Variants in NFIB observed in about 807,000 individuals in gnomAD.
NFIB encodes nuclear factor 1 B-type.
Under a neutral mutation model 61.5 loss-of-function variants are expected in NFIB, and 11 were observed. The observed-to-expected ratio is 0.18, with a 90% confidence interval of 0.11 to 0.30. The LOEUF (loss-of-function observed/expected upper bound fraction) is 0.30. Ranked by LOEUF, NFIB falls within the 10% of genes least tolerant of loss-of-function variation. The probability of loss-of-function intolerance (pLI) is 1.00; values close to 1 mark genes in which losing one functional copy is unlikely to be tolerated. For synonymous variants in NFIB, 260 were observed against 216.5 expected, an observed-to-expected ratio of 1.20 and a Z score of -1.76; for missense variants, 471 against 608.9, an observed-to-expected ratio of 0.77 and a Z score of 2.38.
At chr9:14,477,870 CA>C in the NFIB span, among the ~76,000 whole-genome samples, 2 of 151,848 alleles carry the variant, frequency 1.3e-5, no homozygotes, top group African/African-American at 4.8e-5. Flanking sequence ...AGCATTTTGG[CA>C]AAAAATAGTT....
In NFIB at chr9:14,120,850, T is replaced by G. The variant is rs554490029; in HGVS notation, c.1061-226A>C. Among the ~76,000 whole-genome samples the G allele has an allele frequency of 6.6e-6, 1 of 152,222 alleles. No individual in the cohort carries two copies. The highest frequency in any genetic ancestry group is 6.5e-5 in the Admixed American group (1 of 15,284). On this transcript the variant is annotated intron_variant, in intron 7 of 10. Coordinates refer to ENST00000380953, the MANE Select transcript of NFIB (RefSeq NM_001190737.2). The surrounding 1 kb of genome is among the most constrained non-coding windows in gnomAD (Gnocchi z 4.4). ...ACATCACTCTAGAAAATTAACAATC[T>G]TGCTTCCTGGCTCTGTGAGTGGTTA...
intron 6 of NFIB, 113 bp downstream of exon 6, chr9:14,146,576 G>T: frequency 1.4e-6 from 2 of 1,441,080 alleles, no homozygotes; most frequent in African/African-American, 1.4e-5. Context: ...ATCATTTTAT[G>T]AAAAAAATAT....
chr9:14,435,962 T>C, the NFIB span, among the ~76,000 whole-genome samples: 1 of 152,262 alleles, frequency 6.6e-6, no homozygotes, highest in African/African-American at 2.4e-5. Flanking sequence ...ACATTGGATC[T>C]GTCGGCTTAG....
chr9:14,127,129 A>G (rs1419587460), intron 6 of NFIB, among the ~76,000 whole-genome samples: 1 of 152,218 alleles, frequency 6.6e-6, no homozygotes, highest in Admixed American at 6.5e-5. Context: ...AATGCAATAA[A>G]TATTTTAACA....
chr9:14,333,303 A>T (rs966315483), intron 1 of NFIB, among the ~76,000 whole-genome samples: 2 of 152,222 alleles, frequency 1.3e-5, no homozygotes, highest in Middle Eastern at 3.2e-3. Context: ...AAATCACCCA[A>T]GGTCAATAGC....
chr9:14,181,756 TC>T (rs2046807117), intron 2 of NFIB, among the ~76,000 whole-genome samples: 1 of 152,164 alleles, frequency 6.6e-6, no homozygotes, highest in African/African-American at 2.4e-5. Flanking sequence ...GACCAGAGCC[TC>T]CCTATGTTTT....
chr9:14,175,163 A>ATTTTTT (rs375736787), intron 3 of NFIB, among the ~76,000 whole-genome samples: 1,850 of 101,902 alleles, frequency 0.018, 149 homozygotes, highest in Non-Finnish European at 0.023. Flanking sequence ...GACTTAAAGA[A>ATTTTTT]TTTCTTTTTT....
intron 3 of NFIB, among the ~76,000 whole-genome samples, chr9:14,177,003 T>C (rs2046261815): frequency 6.6e-6 from 1 of 152,196 alleles, no homozygotes; most frequent in Admixed American, 6.5e-5. Context: ...GGGTTGCACA[T>C]CTCCCAGTGG....
At chr9:14,255,034 C>G (rs1173762643) in intron 2 of NFIB, among the ~76,000 whole-genome samples, 1 of 152,058 alleles carries the variant, frequency 6.6e-6, no homozygotes, top group African/African-American at 2.4e-5. Context: ...CCAGCCTGGG[C>G]AACATAGCAA....
chr9:14,495,302 G>T, the NFIB span, among the ~76,000 whole-genome samples: 2 of 152,106 alleles, frequency 1.3e-5, no homozygotes, highest in Non-Finnish European at 2.9e-5. Context: ...AGGAGAGCAG[G>T]CTGAGGTCGA....
the NFIB span, among the ~76,000 whole-genome samples, chr9:14,434,246 G>C: frequency 2.1e-4 from 32 of 152,094 alleles, no homozygotes; most frequent in Non-Finnish European, 2.5e-4. Context: ...GGATTCACTG[G>C]GTTTGCTGTC....
At chr9:14,270,355 T>C (rs900855474) in intron 2 of NFIB, among the ~76,000 whole-genome samples, 7 of 152,062 alleles carry the variant, frequency 4.6e-5, no homozygotes, top group African/African-American at 9.7e-5. Context: ...CAGTTGCTTA[T>C]TGCCAAGGGA....
chr9:14,431,329 C>T, the NFIB span, among the ~76,000 whole-genome samples: 20 of 152,104 alleles, frequency 1.3e-4, no homozygotes, highest in African/African-American at 4.8e-4. Flanking sequence ...CTTCTTCTAC[C>T]CCTGGATTGT....
intron 4 of NFIB, among the ~76,000 whole-genome samples, chr9:14,155,023 G>A (rs1224675536): frequency 1.3e-5 from 2 of 152,098 alleles, no homozygotes; most frequent in Non-Finnish European, 2.9e-5. Flanking sequence ...ACATCACTCC[G>A]AAGTGTGATG....
chr9:14,306,000 GAAGAAAAGA>G, intron 2 of NFIB: 1 of 1,290,618 alleles, frequency 7.7e-7, no homozygotes, highest in South Asian at 1.8e-5. Flanking sequence ...GCATTTATTT[GAAGAAAAGA>G]AATTCTTACC....
the NFIB span, among the ~76,000 whole-genome samples, chr9:14,464,389 T>C: frequency 6.6e-6 from 1 of 152,162 alleles, no homozygotes; most frequent in East Asian, 1.9e-4. Flanking sequence ...CAGTGCTGTG[T>C]GTGGAAGGAG....
the NFIB span, among the ~76,000 whole-genome samples, chr9:14,448,668 G>A: frequency 1.3e-5 from 2 of 152,138 alleles, no homozygotes; most frequent in East Asian, 1.9e-4. Flanking sequence ...GACAAGGGTA[G>A]GACTTTTATT....
chr9:14,358,610 T>C (rs1007198507), intron 1 of NFIB, among the ~76,000 whole-genome samples: 1 of 152,234 alleles, frequency 6.6e-6, no homozygotes, highest in Non-Finnish European at 1.5e-5. Context: ...CCAATGTTAC[T>C]TTCTCCTTCT....
At chr9:14,309,528 G>C (rs1012749928) in intron 1 of NFIB, among the ~76,000 whole-genome samples, 2 of 152,216 alleles carry the variant, frequency 1.3e-5, no homozygotes, top group Non-Finnish European at 2.9e-5. Context: ...TTCCAGCAGA[G>C]ATTTGAACAA....
Sources: gnomAD v4.1 joint callset for allele counts (sites outside exome capture counted in the v4.1 genomes callset) on GRCh38, gnomAD v4.1.1 for gene constraint, Gnocchi (gnomAD v3.1) non-coding constraint, MANE v1.5 for transcripts, NCBI Gene and HGNC (gene_info 2026-07-23, HGNC 2026-07-21) for gene names.